The following RIT2 variants were observed in gnomAD, a reference collection of about 807,000 sequenced individuals.
RIT2 encodes Ras like without CAAX 2.
A neutral mutation model predicts 23.7 loss-of-function variants in RIT2; 24 were observed. The ratio of observed to expected loss-of-function variants is 1.01; its 90% CI spans 0.73 to 1.43. The LOEUF is 1.43. Ranked by LOEUF, RIT2 falls within the 40% of genes most tolerant of loss-of-function variation. RIT2 has a pLI of 0.00. For missense variants in RIT2, 236 were observed against 266.9 expected, an observed-to-expected ratio of 0.88 and a Z score of 0.81; for synonymous variants, 107 against 91.1, an observed-to-expected ratio of 1.17 and a Z score of -0.99.
chr18:42,783,633 A>G (rs1344140442), intron 4 of RIT2, among the ~76,000 whole-genome samples: 1 of 152,090 alleles, frequency 6.6e-6, no homozygotes, highest in African/African-American at 2.4e-5. Context: ...TACATGTGAA[A>G]TGTCTATATT....
At chr18:42,964,895 C>A (rs1910178678) in intron 3 of RIT2, among the ~76,000 whole-genome samples, 1 of 152,168 alleles carries the variant, frequency 6.6e-6, no homozygotes, top group Non-Finnish European at 1.5e-5. Context: ...AAATATACTT[C>A]TTCAGCAATT....
chr18:42,929,011 A>G (rs1295590002), intron 3 of RIT2, among the ~76,000 whole-genome samples: 7 of 140,294 alleles, frequency 5.0e-5, no homozygotes, highest in Non-Finnish European at 9.2e-5. Flanking sequence ...AAATGAATAC[A>G]TATACTAAAA....
intron 2 of RIT2, among the ~76,000 whole-genome samples, chr18:42,982,676 T>C (rs953652956): frequency 4.6e-5 from 7 of 152,154 alleles, no homozygotes; most frequent in Non-Finnish European, 7.3e-5. Context: ...ATTTTGATCT[T>C]TCAGGATTTC....
intron 1 of RIT2, among the ~76,000 whole-genome samples, chr18:43,095,459 C>A (rs1913530587): frequency 1.3e-5 from 2 of 151,870 alleles, no homozygotes; most frequent in Non-Finnish European, 2.9e-5. Context: ...ACATGTATAC[C>A]TATGTACAAA....
At chr18:42,895,025 G>C (rs1283956464) in intron 4 of RIT2, among the ~76,000 whole-genome samples, 1 of 152,166 alleles carries the variant, frequency 6.6e-6, no homozygotes, top group Non-Finnish European at 1.5e-5. Flanking sequence ...AGTAGAGGGA[G>C]AAAGAGGGTG....
chr18:42,946,112 T>G (rs972039922), intron 3 of RIT2, among the ~76,000 whole-genome samples: 3 of 152,104 alleles, frequency 2.0e-5, no homozygotes, highest in African/African-American at 4.8e-5. Context: ...AATGCAAAAT[T>G]AAGTAAACTG....
intron 4 of RIT2, among the ~76,000 whole-genome samples, chr18:42,914,174 T>C (rs2144122330): frequency 1.3e-5 from 2 of 152,212 alleles, no homozygotes; most frequent in Admixed American, 1.3e-4. Flanking sequence ...CTAGTGATAA[T>C]ATCTAATGCT....
chr18:43,042,247 A>C (rs1049187165), intron 1 of RIT2, among the ~76,000 whole-genome samples: 2 of 152,202 alleles, frequency 1.3e-5, no homozygotes, highest in African/African-American at 2.4e-5. Flanking sequence ...AAATGTGAAG[A>C]GGGAAGAGAG....
intron 1 of RIT2, among the ~76,000 whole-genome samples, chr18:43,069,864 T>C (rs979562278): frequency 6.6e-6 from 1 of 152,168 alleles, no homozygotes; most frequent in Non-Finnish European, 1.5e-5. Context: ...TCAGAGAAGA[T>C]ACCCTTGAGA....
intron 4 of RIT2, among the ~76,000 whole-genome samples, chr18:42,853,094 A>G (rs1460001960): frequency 6.6e-6 from 1 of 152,152 alleles, no homozygotes; most frequent in Non-Finnish European, 1.5e-5. Flanking sequence ...TTGGCCTCCC[A>G]AAGTGCTGGG....
chr18:42,832,168 T>C (rs1273242210), intron 4 of RIT2, among the ~76,000 whole-genome samples: 5 of 152,010 alleles, frequency 3.3e-5, no homozygotes, highest in Non-Finnish European at 7.4e-5. Flanking sequence ...AAGGAGGAAA[T>C]CGATAGAGAG....
intron 2 of RIT2, among the ~76,000 whole-genome samples, chr18:43,029,110 C>T (rs1911797166): frequency 1.3e-5 from 2 of 151,982 alleles, no homozygotes; most frequent in Non-Finnish European, 2.9e-5. Flanking sequence ...CCAAGTCATT[C>T]AGGAAGACTT....
At chr18:42,865,848 G>A (rs1201324472) in intron 4 of RIT2, among the ~76,000 whole-genome samples, 5 of 152,074 alleles carry the variant, frequency 3.3e-5, no homozygotes, top group Admixed American at 6.5e-5. Context: ...CTACATTCTG[G>A]AAAAACCAGA....
At chr18:42,979,674 G>T (rs1199610415) in intron 2 of RIT2, among the ~76,000 whole-genome samples, 3 of 152,006 alleles carry the variant, frequency 2.0e-5, no homozygotes, top group Non-Finnish European at 4.4e-5. Flanking sequence ...TTAAATCCTG[G>T]ATGAATCAGC....
chr18:42,940,424 C>G (rs919597622), intron 3 of RIT2, among the ~76,000 whole-genome samples: 1 of 150,578 alleles, frequency 6.6e-6, no homozygotes, highest in Non-Finnish European at 1.5e-5. Context: ...TATATAGACA[C>G]ACACACACAT....
intron 3 of RIT2, among the ~76,000 whole-genome samples, chr18:42,944,499 C>T (rs1268322038): frequency 6.6e-6 from 1 of 152,006 alleles, no homozygotes; most frequent in Non-Finnish European, 1.5e-5. Flanking sequence ...GACTGATTGG[C>T]CAGATGGGTG....
At chr18:42,983,467 C>T (rs923770028) in intron 2 of RIT2, among the ~76,000 whole-genome samples, 5 of 151,824 alleles carry the variant, frequency 3.3e-5, no homozygotes, top group South Asian at 4.2e-4. Context: ...TCTAAGATGA[C>T]ATATTAAGCA....
At chr18:42,846,671 A>G (rs548260118) in intron 4 of RIT2, among the ~76,000 whole-genome samples, 1 of 152,224 alleles carries the variant, frequency 6.6e-6, no homozygotes, top group South Asian at 2.1e-4. Flanking sequence ...TTGTGAACAG[A>G]AGAAGGAAGA....
intron 4 of RIT2, among the ~76,000 whole-genome samples, chr18:42,776,314 C>T (rs1913671142): frequency 6.6e-6 from 1 of 152,172 alleles, no homozygotes. Context: ...TGATGCCTGA[C>T]ACCTGTTAAA....
Sources: allele counts gnomAD v4.1 joint callset (sites outside exome capture counted in the v4.1 genomes callset), GRCh38; gene constraint gnomAD v4.1.1; transcripts MANE v1.5; gene names NCBI Gene and HGNC (gene_info 2026-07-23, HGNC 2026-07-21).